The following SMG6 variants were observed in gnomAD, a reference collection of about 807,000 sequenced individuals.
The protein encoded by SMG6 is telomerase-binding protein EST1A.
A neutral mutation model predicts 142.2 loss-of-function variants in SMG6; 66 were observed. The ratio of observed to expected loss-of-function variants is 0.46; its 90% CI spans 0.38 to 0.57. SMG6 has a LOEUF of 0.57. Among genes scored for constraint, SMG6 ranks in the 20% least tolerant of loss-of-function variants. SMG6 has a pLI of 0.00. For synonymous variants in SMG6, 779 were observed against 702.4 expected, an observed-to-expected ratio of 1.11 and a Z score of -1.72; for missense variants, 1,793 against 1,832.0, an observed-to-expected ratio of 0.98 and a Z score of 0.39.
intron 12 of SMG6, among the ~76,000 whole-genome samples, chr17:2,182,100 A>G (rs2071824117): frequency 6.6e-6 from 1 of 152,202 alleles, no homozygotes; most frequent in Non-Finnish European, 1.5e-5. Flanking sequence ...AGAGTAAGGA[A>G]GGGACACTCA....
At position 2,101,690 on chromosome 17, in the gene SMG6, TTAC is replaced by T. The variant is rs1281456910; in HGVS notation, c.3358-15792_3358-15790del. The T allele has an allele frequency of 3.9e-5, 6 of 151,942 alleles. No homozygotes were observed. In the East Asian group the frequency reaches 1.2e-3, roughly 29 times the overall value. The allele number at this position is 151,942 out of a possible 1,614,324, so 9.4% of individuals were successfully genotyped here. ...GCCACAGCGAACACCGAGCGAATGG[TTAC>T]TACAAGCCAGGCACTGTGCCAAATG... On this transcript the variant is annotated intron_variant, in intron 13 of 18. Transcript: ENST00000263073.
intron 8 of SMG6, among the ~76,000 whole-genome samples, chr17:2,253,021 T>C (rs528174231): frequency 6.6e-6 from 1 of 152,194 alleles, no homozygotes; most frequent in East Asian, 1.9e-4. Flanking sequence ...GCCACCCTCA[T>C]TTGTTTACAT....
chr17:2,079,246 G>T (rs2068343326), intron 15 of SMG6, among the ~76,000 whole-genome samples: 1 of 152,226 alleles, frequency 6.6e-6, no homozygotes. Context: ...TTATAGGCGT[G>T]AGCCACCGTG....
intron 10 of SMG6, among the ~76,000 whole-genome samples, chr17:2,210,401 G>T (rs755405609): frequency 2.6e-5 from 4 of 151,304 alleles, no homozygotes; most frequent in Non-Finnish European, 5.9e-5. Context: ...GACTACTGGT[G>T]TGCATTACTG....
Position 2,188,422 on chromosome 17 carries a change from C to G in SMG6, c.2963G>C (p.Cys988Ser), listed in dbSNP as rs989518257. 1.2e-6 allele frequency: 2 copies of G among 1,613,934 alleles called. No homozygotes were observed. Among genetic ancestry groups the G allele is most frequent in the African/African-American group, 2.7e-5 (2 of 74,892 alleles). The change falls in exon 11 of 19, where the codon TGC (cysteine) becomes TCC (serine). Residue 988 changes from cysteine to serine, a missense_variant. Coordinates refer to ENST00000263073, the MANE Select transcript of SMG6 (RefSeq NM_017575.5). Reference protein sequence around the residue: ...MFSLLVRRCTCLLKESAKAQL... With the variant: ...MFSLLVRRCTSLLKESAKAQL... ...ACCTTTGGCGGACTCCTTAAGTAAG[C>G]AGGTGCAGCGGCGGACCAGTAGAGA... is the stretch of plus-strand genomic sequence containing the variant.
Position 2,197,624 on chromosome 17 carries a change from TAAC to T in SMG6, c.2870-9112_2870-9110del, listed in dbSNP as rs2072371438. Among the ~76,000 whole-genome samples the T allele has an allele frequency of 4.6e-5, 7 of 150,896 alleles. No individual in the cohort carries two copies. The South Asian group carries it at 1.5e-3, about 32-fold the overall frequency. ...AAAAAACAAAAAACCTCTCAAAACT[TAAC>T]AGTAAGAAAACAACAATACATTTAG... On this transcript the variant is annotated intron_variant, in intron 10 of 18. Coordinates refer to ENST00000263073, the MANE Select transcript of SMG6 (RefSeq NM_017575.5).
chr17:2,089,138 A>G (rs1444596225), intron 13 of SMG6, among the ~76,000 whole-genome samples: 5 of 152,202 alleles, frequency 3.3e-5, no homozygotes, highest in Non-Finnish European at 1.5e-5. Flanking sequence ...GAAGTCTGTG[A>G]CATCATCCCC....
At chr17:2,178,657 C>A (rs538943701) in intron 12 of SMG6, among the ~76,000 whole-genome samples, 85 of 152,310 alleles carry the variant, frequency 5.6e-4, no homozygotes, top group Non-Finnish European at 1.0e-3. Flanking sequence ...ATCCACTGCC[C>A]CCAATATGTT....
intron 13 of SMG6, among the ~76,000 whole-genome samples, chr17:2,113,817 T>A (rs2069414725): frequency 6.6e-6 from 1 of 152,226 alleles, no homozygotes; most frequent in Non-Finnish European, 1.5e-5. Context: ...TATCTCCTCC[T>A]GAGTGTCACA....
At chr17:2,223,268 T>C (rs890246441) in intron 10 of SMG6, among the ~76,000 whole-genome samples, 14 of 152,210 alleles carry the variant, frequency 9.2e-5, no homozygotes, top group Non-Finnish European at 2.1e-4. Context: ...TGCCCAGCAG[T>C]TGGAAATTCC....
chr17:2,065,691 G>A lies in SMG6; in HGVS notation c.3836-12C>T, dbSNP rs1461015303. On this transcript the variant is annotated splice_polypyrimidine_tract_variant and intron_variant, in intron 16 of 18. Coordinates refer to ENST00000263073, the MANE Select transcript of SMG6 (RefSeq NM_017575.5). ...CAGCTCATTGATCACTGATGAGATAGAGCCCCACAAGGTATCAGCCTCAGC... is the reference window on the plus strand; with the variant it reads ...CAGCTCATTGATCACTGATGAGATAAAGCCCCACAAGGTATCAGCCTCAGC... The A allele has an allele frequency of 1.9e-6, 3 of 1,604,064 alleles. No individual in the cohort carries two copies. Among genetic ancestry groups the A allele is most frequent in the Middle Eastern group, 1.7e-4 (1 of 6,056 alleles).
intron 15 of SMG6, among the ~76,000 whole-genome samples, chr17:2,079,420 G>GT (rs1433224725): frequency 3.3e-5 from 5 of 151,826 alleles, no homozygotes; most frequent in Admixed American, 6.6e-5. Context: ...AGATCACGAA[G>GT]TCAAGAGATT....
At chr17:2,105,206 C>T (rs1349812488) in intron 13 of SMG6, among the ~76,000 whole-genome samples, 1 of 148,132 alleles carries the variant, frequency 6.8e-6, no homozygotes, top group Non-Finnish European at 1.5e-5. Flanking sequence ...GGATTACAGG[C>T]GTGAGCCACT....
rs1378785935 is a variant in SMG6, at chr17:2,248,875, C to CA, written c.2662-4157dup. ...AATATGAAGTCAACTAGCACTGAGA[C>CA]AGATACTTTGGAGAACTTTTTTTTT... On this transcript the variant is annotated intron_variant, in intron 8 of 18. Transcript: ENST00000263073. Among the ~76,000 whole-genome samples, 7 of 150,042 alleles carry CA rather than the reference C, an allele frequency of 4.7e-5. No homozygotes were observed. In the Admixed American group the frequency reaches 4.7e-4, roughly 10 times the overall value.
At position 2,062,041 on chromosome 17, in the gene SMG6, G is replaced by A. The variant is rs1484712991; in HGVS notation, c.4130-419C>T. On this transcript the variant is annotated intron_variant, in intron 18 of 18. Transcript: ENST00000263073. ...ACAAGTCCTCTCCCTCTAAAAGCCA[G>A]CAGGTTGAAGCTTTACGCATCCAGA... The A allele has an allele frequency of 3.2e-5, 5 of 158,418 alleles. No individual in the cohort carries two copies. The South Asian group carries it at 5.4e-4, about 17-fold the overall frequency. The allele number at this position is 158,418 out of a possible 1,614,324, so 9.8% of individuals were successfully genotyped here.
chr17:2,093,184 A>G lies in SMG6; in HGVS notation c.3358-7283T>C, dbSNP rs1428641524. Among the ~76,000 whole-genome samples the G allele has an allele frequency of 4.0e-5, 6 of 149,646 alleles. No homozygotes were observed. In the South Asian group the frequency reaches 6.4e-4, roughly 16 times the overall value. On this transcript the variant is annotated intron_variant, in intron 13 of 18. Transcript: ENST00000263073. Reference sequence around the variant, plus strand: ...AATCCAGCCTGGGTGACAGAGCAAGACTCTGTTGCAAAAAAAAAAAAAAAG... The same window carrying G: ...AATCCAGCCTGGGTGACAGAGCAAGGCTCTGTTGCAAAAAAAAAAAAAAAG...
At chr17:2,250,688 A>G (rs575433390) in intron 8 of SMG6, among the ~76,000 whole-genome samples, 10 of 152,230 alleles carry the variant, frequency 6.6e-5, no homozygotes, top group East Asian at 5.8e-4. Context: ...CTGGCCCCAT[A>G]TATTTTTAAA....
chr17:2,082,199 T>G, intron 14 of SMG6: 1 of 517,666 alleles, frequency 1.9e-6, no homozygotes, highest in Non-Finnish European at 3.5e-6. Flanking sequence ...AGTTACACCA[T>G]AAGTCACTCG....
intron 13 of SMG6, among the ~76,000 whole-genome samples, chr17:2,140,514 G>A (rs926322472): frequency 4.6e-5 from 7 of 151,924 alleles, no homozygotes; most frequent in Non-Finnish European, 1.5e-5. Context: ...TACTAAAAAT[G>A]CAAAAAAATC....
Sources: gnomAD v4.1 joint callset for allele counts (sites outside exome capture counted in the v4.1 genomes callset) on GRCh38, gnomAD v4.1.1 for gene constraint, MANE v1.5 for transcripts, NCBI Gene and HGNC (gene_info 2026-07-23, HGNC 2026-07-21) for gene names.